The following SLX4IP variants were observed in gnomAD, a reference collection of about 807,000 sequenced individuals.
SLX4IP encodes protein SLX4IP.
SLX4IP carries 34 observed loss-of-function variants against 32.9 expected under a neutral mutation model. The observed-to-expected ratio is 1.03, with a 90% CI of 0.79 to 1.38. The LOEUF (loss-of-function observed/expected upper bound fraction) is 1.38, where lower values mean the gene tolerates loss of function less well. Among genes scored for constraint, SLX4IP ranks in the 40% most tolerant of loss-of-function variants. The pLI is 0.00. For missense variants in SLX4IP, 444 were observed against 479.0 expected (o/e 0.93, Z 0.68); for synonymous variants, 172 against 171.7 (o/e 1.00, Z -0.01).
intron 4 of SLX4IP, among the ~76,000 whole-genome samples, chr20:10,564,126 C>T (rs901992006): frequency 5.3e-5 from 8 of 151,560 alleles, no homozygotes; most frequent in South Asian, 2.1e-4. Flanking sequence ...AAGAGGGACA[C>T]GCCATGGTAT....
chr20:10,487,552 C>T (rs752769528), intron 2 of SLX4IP, among the ~76,000 whole-genome samples: 3 of 152,128 alleles, frequency 2.0e-5, no homozygotes, highest in African/African-American at 4.8e-5. Context: ...AGCTCTCAGC[C>T]GAAGCACTGA....
At chr20:10,489,596 T>A (rs1031505308) in intron 2 of SLX4IP, among the ~76,000 whole-genome samples, 5 of 152,194 alleles carry the variant, frequency 3.3e-5, no homozygotes, top group Admixed American at 3.3e-4. Flanking sequence ...CCCAGAACCC[T>A]TTTATACCTT....
chr20:10,484,508 A>G (rs979947432), intron 2 of SLX4IP, among the ~76,000 whole-genome samples: 15 of 152,132 alleles, frequency 9.9e-5, no homozygotes, highest in African/African-American at 2.7e-4. Flanking sequence ...TAGTAAATAG[A>G]TGGGTGAAGA....
chr20:10,447,123 T>C (rs1222203147), intron 1 of SLX4IP, among the ~76,000 whole-genome samples: 2 of 152,232 alleles, frequency 1.3e-5, no homozygotes, highest in South Asian at 4.1e-4. Flanking sequence ...CAAATAGATA[T>C]GAGCAGTTGT....
Position 10,457,840 on chromosome 20 carries a change from C to CTTTT in SLX4IP, c.-29-327_-29-324dup, listed in dbSNP as rs111482953. ...GCCATCTGAGCCTGTGCTTTTCTCT[C>CTTTT]TTTTTTTTTTTTCTTTCTGTAGAGA... On this transcript the variant is annotated intron_variant, in intron 1 of 7. Coordinates refer to ENST00000334534, the MANE Select transcript of SLX4IP (RefSeq NM_001009608.3). Among the ~76,000 whole-genome samples, 226 of 145,382 alleles carry CTTTT rather than the reference C, an allele frequency of 1.6e-3. 2 individuals are homozygous for CTTTT. Among genetic ancestry groups the CTTTT allele is most frequent in the African/African-American group, 5.5e-3 (219 of 40,002 alleles).
At position 10,556,241 on chromosome 20, in the gene SLX4IP, T is replaced by C; in HGVS notation, c.38T>C (p.Phe13Ser). ...SKKFAVKCGN[F>S]AVLVDLHILP... ...ATTAATGTCTTTCAGTGTGGGAATT[T>C]TGCTGTCCTCGTGGATCTTCATATC... is the stretch of plus-strand genomic sequence containing the variant. The change falls in exon 3 of 8, where the codon TTT becomes TCT. Residue 13 changes from phenylalanine to serine, a missense_variant. By Grantham distance (155) the Phe-to-Ser change is radical. Coordinates refer to ENST00000334534, the MANE Select transcript of SLX4IP (RefSeq NM_001009608.3). 1.2e-6 allele frequency: 2 copies of C among 1,613,568 alleles called. No homozygotes were observed. Among genetic ancestry groups the C allele is most frequent in the Non-Finnish European group, 1.7e-6 (2 of 1,179,850 alleles).
At chr20:10,490,171 G>T (rs535898921) in intron 2 of SLX4IP, among the ~76,000 whole-genome samples, 67 of 140,338 alleles carry the variant, frequency 4.8e-4, no homozygotes, top group African/African-American at 1.7e-3. Flanking sequence ...GATATTTTTA[G>T]TATTTAAAGT....
chr20:10,532,952 T>A lies in SLX4IP; in HGVS notation c.28-23279T>A, dbSNP rs151203123. Among the ~76,000 whole-genome samples the A allele has an allele frequency of 4.0e-3, 605 of 152,174 alleles. 7 individuals are homozygous for A. The highest frequency in any genetic ancestry group is 0.013 in the African/African-American group (557 of 41,514). ...CACTATGCCCAGCTAATTATTTTTATTTTTAGTACAGATGGGGTTTCACCA... is the reference window on the plus strand; with the variant it reads ...CACTATGCCCAGCTAATTATTTTTAATTTTAGTACAGATGGGGTTTCACCA... On this transcript the variant is annotated intron_variant, in intron 2 of 7. Transcript: ENST00000334534.
chr20:10,488,005 A>T (rs1643408985), intron 2 of SLX4IP, among the ~76,000 whole-genome samples: 1 of 152,136 alleles, frequency 6.6e-6, no homozygotes, highest in Non-Finnish European at 1.5e-5. Context: ...AGTAGGACCT[A>T]TCAGCTGTGG....
intron 7 of SLX4IP, among the ~76,000 whole-genome samples, 153 bp downstream of exon 7, chr20:10,621,567 T>A (rs1337365649): frequency 1.3e-5 from 2 of 152,194 alleles, no homozygotes; most frequent in Non-Finnish European, 2.9e-5. Context: ...ACTCTCTTGC[T>A]TTCTGGACAA....
intron 4 of SLX4IP, among the ~76,000 whole-genome samples, chr20:10,588,749 G>A (rs551184219): frequency 1.3e-5 from 2 of 152,280 alleles, no homozygotes; most frequent in Admixed American, 1.3e-4. Context: ...CCAGAGGCAG[G>A]GGTAGGGACA....
rs140499671 is a variant in SLX4IP at position 10,439,773 on chromosome 20, A to G, written c.-30+4320A>G. ...TAAACCTCAAGTCTACTTTTTAGAG[A>G]TTGAGGACAATAATTCATGCACATG... On this transcript the variant is annotated intron_variant, in intron 1 of 7. Transcript: ENST00000334534. 1.6e-3 allele frequency among the ~76,000 whole-genome samples: 241 copies of G among 152,358 alleles called. 1 individual carries two copies. In the East Asian group the frequency reaches 0.018, roughly 11 times the overall value.
intron 1 of SLX4IP, among the ~76,000 whole-genome samples, chr20:10,437,926 T>G (rs1273702706): frequency 6.6e-6 from 1 of 152,236 alleles, no homozygotes; most frequent in Non-Finnish European, 1.5e-5. Flanking sequence ...TCAGATAACT[T>G]ATCCCTTCAC....
rs1404395614 is a variant in SLX4IP at position 10,624,895 on chromosome 20, T to C, written c.*1516T>C. 2 of 152,248 alleles carry C rather than the reference T, an allele frequency of 1.3e-5. No individual in the cohort carries two copies. Among genetic ancestry groups the C allele is most frequent in the Admixed American group, 1.3e-4 (2 of 15,286 alleles). 9.4% of individuals were successfully genotyped at this position (152,248 alleles called of 1,614,324 possible). ...CACCAAGCCTGACTGTGGTGGTAGA[T>C]ACTGTTACTTTAATGTTCCAAACCC... On this transcript the variant is annotated 3_prime_UTR_variant, in exon 8 of 8. Transcript: ENST00000334534.
At chr20:10,505,406 A>C (rs1208435408) in intron 2 of SLX4IP, among the ~76,000 whole-genome samples, 1 of 152,216 alleles carries the variant, frequency 6.6e-6, no homozygotes. Context: ...ATTATTGTAG[A>C]CCAAAGCCAG....
At chr20:10,614,494 C>T (rs1163190456) in intron 6 of SLX4IP, among the ~76,000 whole-genome samples, 1 of 152,078 alleles carries the variant, frequency 6.6e-6, no homozygotes, top group East Asian at 1.9e-4. Flanking sequence ...CTGGTGCACC[C>T]CAAGGACTCT....
chr20:10,450,914 G>C (rs1475615211), intron 1 of SLX4IP, among the ~76,000 whole-genome samples: 2 of 151,342 alleles, frequency 1.3e-5, no homozygotes, highest in Non-Finnish European at 2.9e-5. Flanking sequence ...ACTACGCCCG[G>C]GTAATTTTTT....
chr20:10,464,812 A>C (rs1231066758), intron 2 of SLX4IP, among the ~76,000 whole-genome samples: 2 of 111,124 alleles, frequency 1.8e-5, no homozygotes, highest in Non-Finnish European at 4.6e-5. Flanking sequence ...CTGGCCTTGA[A>C]TTCTTTTTTT....
At chr20:10,499,141 G>A (rs555383731) in intron 2 of SLX4IP, among the ~76,000 whole-genome samples, 1 of 152,108 alleles carries the variant, frequency 6.6e-6, no homozygotes, top group East Asian at 1.9e-4. Flanking sequence ...CAAAAATTAT[G>A]GGTCTAATAC....
Sources: gnomAD v4.1 joint callset for allele counts (sites outside exome capture counted in the v4.1 genomes callset) on GRCh38, gnomAD v4.1.1 for gene constraint, MANE v1.5 for transcripts, NCBI Gene and HGNC (gene_info 2026-07-23, HGNC 2026-07-21) for gene names.